The following IQCM variants were observed in gnomAD, a reference collection of about 807,000 sequenced individuals.
The protein encoded by IQCM is IQ motif containing M.
IQCM carries 45 observed loss-of-function variants against 57.6 expected under a neutral mutation model. The observed-to-expected ratio is 0.78, with a 90% CI of 0.62 to 1.00. The LOEUF (loss-of-function observed/expected upper bound fraction) is 1.00. Ranked by LOEUF, IQCM falls within the 50% of genes least tolerant of loss-of-function variation. IQCM has a pLI of 0.00. For missense variants in IQCM, 468 were observed against 511.6 expected, an observed-to-expected ratio of 0.91 and a Z score of 0.82; for synonymous variants, 148 against 158.9, an observed-to-expected ratio of 0.93 and a Z score of 0.51.
intron 2 of IQCM, among the ~76,000 whole-genome samples, chr4:149,795,658 G>C (rs1034243965): frequency 6.6e-6 from 1 of 152,108 alleles, no homozygotes; most frequent in African/African-American, 2.4e-5. Context: ...ACCTCCAAAA[G>C]AGACCCCTTC....
intron 7 of IQCM, among the ~76,000 whole-genome samples, chr4:149,623,279 A>G (rs1018382326): frequency 6.6e-6 from 1 of 152,224 alleles, no homozygotes; most frequent in Non-Finnish European, 1.5e-5. Flanking sequence ...GAAGAGTCCA[A>G]CCCAATATAT....
intron 7 of IQCM, among the ~76,000 whole-genome samples, chr4:149,679,822 T>C (rs1432381133): frequency 6.6e-6 from 1 of 151,460 alleles, no homozygotes; most frequent in African/African-American, 2.4e-5. Context: ...TTATGTAGAG[T>C]TATAATAATG....
intron 7 of IQCM, among the ~76,000 whole-genome samples, chr4:149,655,442 T>C (rs1385527834): frequency 3.9e-5 from 6 of 152,168 alleles, no homozygotes; most frequent in African/African-American, 1.2e-4. Context: ...TAGAATTTGA[T>C]ACATTAAAAG....
chr4:149,468,162 T>C (rs1462140593), intron 12 of IQCM, among the ~76,000 whole-genome samples: 1 of 151,730 alleles, frequency 6.6e-6, no homozygotes, highest in Non-Finnish European at 1.5e-5. Context: ...ATGCAGCCCA[T>C]GGAGCTGGGC....
chr4:149,591,656 A>G (rs1223021392), intron 8 of IQCM, among the ~76,000 whole-genome samples: 6 of 151,918 alleles, frequency 3.9e-5, no homozygotes, highest in East Asian at 1.9e-4. Flanking sequence ...CCTGTGTCCA[A>G]GTGTTCTCAT....
At chr4:149,705,524 C>T (rs1764093336) in intron 5 of IQCM, among the ~76,000 whole-genome samples, 1 of 151,628 alleles carries the variant, frequency 6.6e-6, no homozygotes, top group Non-Finnish European at 1.5e-5. Flanking sequence ...GTTGGCATAC[C>T]TTTTATATCC....
At chr4:149,548,751 C>G (rs535745400) in intron 11 of IQCM, among the ~76,000 whole-genome samples, 162 bp from the exon 12 acceptor site, 31 of 152,294 alleles carry the variant, frequency 2.0e-4, no homozygotes, top group African/African-American at 6.7e-4. Flanking sequence ...GCATGTTTCT[C>G]TCTCCTCACA....
chr4:149,695,947 G>A (rs1436393914), intron 5 of IQCM, among the ~76,000 whole-genome samples: 3 of 152,238 alleles, frequency 2.0e-5, no homozygotes, highest in African/African-American at 7.2e-5. Context: ...AGTGAGATGG[G>A]TAAAAGAATT....
At chr4:149,368,962 GTA>G (rs541633468) in intron 13 of IQCM, among the ~76,000 whole-genome samples, 788 of 46,942 alleles carry the variant, frequency 0.017, 51 homozygotes, top group African/African-American at 0.019. Context: ...ATATACACGT[GTA>G]TATATATATG....
At chr4:149,600,179 T>G (rs1406223822) in intron 8 of IQCM, among the ~76,000 whole-genome samples, 1 of 152,200 alleles carries the variant, frequency 6.6e-6, no homozygotes, top group Admixed American at 6.5e-5. Flanking sequence ...CTGCTATTAT[T>G]ATGAGATTTA....
chr4:149,798,183 G>T (rs1046083698), intron 2 of IQCM, among the ~76,000 whole-genome samples: 1 of 151,914 alleles, frequency 6.6e-6, no homozygotes, highest in East Asian at 1.9e-4. Context: ...CAAGAAAAAA[G>T]TTAAAAAGTA....
chr4:149,424,679 C>A (rs892949935), intron 13 of IQCM, among the ~76,000 whole-genome samples: 2 of 151,640 alleles, frequency 1.3e-5, no homozygotes, highest in African/African-American at 4.8e-5. Context: ...TCATATTTTA[C>A]TACAAATATT....
At chr4:149,617,333 T>C (rs1433564638) in intron 8 of IQCM, among the ~76,000 whole-genome samples, 1 of 152,200 alleles carries the variant, frequency 6.6e-6, no homozygotes, top group Non-Finnish European at 1.5e-5. Context: ...TAGGTGTTGG[T>C]ATTTTAAAAA....
chr4:149,815,008 CTT>C (rs1388603417), intron 2 of IQCM, among the ~76,000 whole-genome samples: 6 of 151,980 alleles, frequency 3.9e-5, no homozygotes, highest in African/African-American at 1.4e-4. Context: ...GTATCCTACT[CTT>C]TGAAAATGCA....
At chr4:149,379,030 C>A (rs1342533474) in intron 13 of IQCM, among the ~76,000 whole-genome samples, 2 of 152,192 alleles carry the variant, frequency 1.3e-5, no homozygotes, top group African/African-American at 4.8e-5. Flanking sequence ...TCAGAGGGTG[C>A]AAGTCCCAAG....
At chr4:149,657,864 T>G (rs1759774701) in intron 7 of IQCM, among the ~76,000 whole-genome samples, 1 of 152,086 alleles carries the variant, frequency 6.6e-6, no homozygotes, top group African/African-American at 2.4e-5. Flanking sequence ...TAGATTTTTT[T>G]GCTGTTAAAT....
At chr4:149,398,318 C>A (rs1028719399) in intron 13 of IQCM, among the ~76,000 whole-genome samples, 1 of 151,914 alleles carries the variant, frequency 6.6e-6, no homozygotes, top group Non-Finnish European at 1.5e-5. Context: ...CTCTAGATTT[C>A]TTTCTCAAGA....
intron 2 of IQCM, among the ~76,000 whole-genome samples, chr4:149,768,278 C>T (rs545182891): frequency 6.6e-6 from 1 of 152,178 alleles, no homozygotes; most frequent in South Asian, 2.1e-4. Context: ...AACTGCAATA[C>T]CAGCCAGCGT....
At chr4:149,501,002 G>A (rs1743185398) in intron 12 of IQCM, among the ~76,000 whole-genome samples, 1 of 152,170 alleles carries the variant, frequency 6.6e-6, no homozygotes, top group Non-Finnish European at 1.5e-5. Context: ...AGACACAGAA[G>A]TCATGCTTAT....
Sources: allele counts gnomAD v4.1 joint callset (sites outside exome capture counted in the v4.1 genomes callset), GRCh38; gene constraint gnomAD v4.1.1; transcripts MANE v1.5; gene names NCBI Gene and HGNC (gene_info 2026-07-23, HGNC 2026-07-21).